CEP85: variants seen among roughly 807,000 people sequenced by gnomAD.
CEP85 encodes centrosomal protein of 85 kDa.
CEP85 carries 58 observed loss-of-function variants against 93.7 expected under a neutral mutation model. The ratio of observed to expected loss-of-function variants is 0.62; its 90% confidence interval spans 0.50 to 0.77. The LOEUF is 0.77. CEP85 is among the 30% of genes least tolerant of loss of function. The pLI is 0.00. For synonymous variants in CEP85, 314 were observed against 338.6 expected (o/e 0.93, Z 0.80); for missense variants, 868 against 922.0 (o/e 0.94, Z 0.76).
intron 3 of CEP85, among the ~76,000 whole-genome samples, chr1:26,251,376 T>C (rs1309244274): frequency 1.3e-5 from 2 of 151,302 alleles, no homozygotes; most frequent in Non-Finnish European, 2.9e-5. Context: ...CTCAGCCTCC[T>C]GAGAAGCTGG....
At chr1:26,242,452 C>G (rs2089442568) in intron 2 of CEP85, among the ~76,000 whole-genome samples, 1 of 152,148 alleles carries the variant, frequency 6.6e-6, no homozygotes, top group African/African-American at 2.4e-5. Context: ...ATAACAATTA[C>G]AGATTACTGA....
intron 7 of CEP85, among the ~76,000 whole-genome samples, chr1:26,262,607 A>G (rs1047085616): frequency 1.3e-5 from 2 of 152,226 alleles, no homozygotes; most frequent in Non-Finnish European, 2.9e-5. Context: ...CACTGGTACC[A>G]CAGATGATAG....
rs58751883 is a variant in CEP85 at position 26,243,991 on chromosome 1, C to CAAAAA, written c.56-153_56-149dup. Among the ~76,000 whole-genome samples the CAAAAA allele has an allele frequency of 5.1e-4, 55 of 108,316 alleles. 4 individuals carry two copies. The highest frequency in any genetic ancestry group is 1.9e-3 in the African/African-American group (47 of 25,102). The allele number at this position is 108,316 out of a possible 152,430, so 71.1% of individuals were successfully genotyped here. A position where few individuals can be genotyped will look rare whatever the true frequency, so the allele number is the denominator to read the frequency against. On this transcript the variant is annotated intron_variant, in intron 2 of 13. Coordinates refer to ENST00000451429, the MANE Select transcript of CEP85 (RefSeq NM_001319944.2). ...CTGGGTGACAGAGCAGACTCCGTCT[C>CAAAAA]AAAAAAAAAAAAAAAAAAAAAAAAA... is the stretch of plus-strand genomic sequence containing the variant.
At chr1:26,250,181 C>T (rs2089583669) in intron 3 of CEP85, among the ~76,000 whole-genome samples, 1 of 152,220 alleles carries the variant, frequency 6.6e-6, no homozygotes, top group Non-Finnish European at 1.5e-5. Flanking sequence ...TCCCCAACTC[C>T]TGGCCCGTGG....
intron 1 of CEP85, among the ~76,000 whole-genome samples, chr1:26,235,685 G>A (rs1569946161): frequency 6.8e-6 from 1 of 147,926 alleles, no homozygotes; most frequent in Admixed American, 7.1e-5. Context: ...CGATTCTCCT[G>A]CCTCAGCCTC....
intron 10 of CEP85, 148 bp downstream of exon 10, chr1:26,271,255 C>A: frequency 1.8e-6 from 1 of 567,798 alleles, no homozygotes; most frequent in Non-Finnish European, 3.1e-6. Context: ...AGTCACCCTG[C>A]ATAGTAATTT....
At chr1:26,241,318 C>T (rs537276541) in intron 2 of CEP85, among the ~76,000 whole-genome samples, 2 of 135,618 alleles carry the variant, frequency 1.5e-5, no homozygotes, top group East Asian at 4.3e-4. Context: ...TCTCGGCTCA[C>T]TACAAGCTCC....
intron 7 of CEP85, among the ~76,000 whole-genome samples, chr1:26,266,587 T>G (rs17163779): frequency 0.012 from 1,826 of 152,358 alleles, 35 homozygotes; most frequent in African/African-American, 0.041. Context: ...TTCAGAAATT[T>G]AAGAGTACAG....
At chr1:26,244,744 ACTC>A (rs1462276737) in intron 3 of CEP85, among the ~76,000 whole-genome samples, 1 of 151,876 alleles carries the variant, frequency 6.6e-6, no homozygotes, top group African/African-American at 2.4e-5. Context: ...GCTGGTCTGG[ACTC>A]CCAGACTCAA....
In CEP85 at chr1:26,255,637, C is replaced by T. The variant is rs1557657160; in HGVS notation, c.675C>T (p.Ala225=). The part of the protein sequence containing the change: ...SKELYRVLPE[A]KKAPGSGAVF... ...AGTTGTACAGAGTGTTGCCTGAGGCCAAGAAGGCACCGGGCAGCGGGGCAG... is the reference window on the plus strand; with the variant it reads ...AGTTGTACAGAGTGTTGCCTGAGGCTAAGAAGGCACCGGGCAGCGGGGCAG... Residue 225 remains alanine (A), a synonymous_variant, in exon 4 of 14, where the codon GCC becomes GCT. Transcript: ENST00000451429. The T allele has an allele frequency of 6.2e-7, 1 of 1,614,016 alleles. No homozygotes were observed. Among genetic ancestry groups the T allele is most frequent in the Admixed American group, 1.7e-5 (1 of 59,992 alleles).
At chr1:26,251,441 G>C (rs763881866) in intron 3 of CEP85, among the ~76,000 whole-genome samples, 1 of 151,914 alleles carries the variant, frequency 6.6e-6, no homozygotes, top group Admixed American at 6.6e-5. Flanking sequence ...AGTGGAGACA[G>C]GGTTTCTCCA....
chr1:26,276,740 C>T lies in CEP85; in HGVS notation c.2108C>T (p.Ser703Phe). The change falls in exon 13 of 14, where the codon TCC becomes TTC. Residue 703 changes from serine to phenylalanine, a missense_variant. Ser to Phe is a radical substitution (Grantham distance 155). Coordinates refer to ENST00000451429, the MANE Select transcript of CEP85 (RefSeq NM_001319944.2). ...QRAQGHDPNL[S>F]LLLGIHSQHP... ...GCCCAGGGCCATGACCCCAATCTCT[C>T]CCTGCTCCTGGGCATTCACTGTGAG... The T allele has an allele frequency of 1.9e-6, 3 of 1,613,896 alleles. No individual in the cohort carries two copies. Among genetic ancestry groups the T allele is most frequent in the Non-Finnish European group, 2.5e-6 (3 of 1,179,876 alleles).
At chr1:26,266,679 G>A (rs1384292791) in intron 7 of CEP85, among the ~76,000 whole-genome samples, 2 of 152,216 alleles carry the variant, frequency 1.3e-5, no homozygotes, top group Non-Finnish European at 2.9e-5. Flanking sequence ...TTAGGCCTTT[G>A]CCGCCTCTTT....
At chr1:26,265,173 A>T (rs541817021) in intron 7 of CEP85, among the ~76,000 whole-genome samples, 1 of 151,784 alleles carries the variant, frequency 6.6e-6, no homozygotes, top group Non-Finnish European at 1.5e-5. Context: ...TAGTAGAGAC[A>T]GGATTTTGCC....
At position 26,277,139 on chromosome 1, in the gene CEP85, A is replaced by G. The variant is rs2090065353; in HGVS notation, c.2132A>G (p.Gln711Arg). ...GAAATGCTCTTCTCCCCAGCAGCAC[A>G]GCACCCAGAGACTCAGCTAGATTTG... is the stretch of plus-strand genomic sequence containing the variant. ...NLSLLLGIHS[Q>R]HPETQLDLQK... Residue 711 changes from glutamine (Q) to arginine (R), a missense_variant, in exon 14 of 14, where the codon CAG becomes CGG. Gln to Arg is a conservative substitution (Grantham distance 43). Transcript: ENST00000451429. 2 of 1,613,156 alleles carry G rather than the reference A, an allele frequency of 1.2e-6. No homozygotes were observed.
At chr1:26,258,004 A>G in intron 5 of CEP85, 139 bp from the exon 6 acceptor site, 1 of 740,230 alleles carries the variant, frequency 1.4e-6, no homozygotes, top group South Asian at 1.7e-5. Context: ...TATCTTTCTC[A>G]TTTGTTCTTC....
intron 3 of CEP85, among the ~76,000 whole-genome samples, chr1:26,252,897 G>T (rs966633606): frequency 6.6e-6 from 1 of 152,006 alleles, no homozygotes; most frequent in Non-Finnish European, 1.5e-5. Flanking sequence ...AGCATCTCTC[G>T]ATTCCCCCTG....
rs1269436970 is a variant in CEP85 at position 26,272,087 on chromosome 1, T to C, written c.1794+16T>C. 6.2e-7 allele frequency: 1 copy of C among 1,610,886 alleles called. No individual in the cohort carries two copies. The highest frequency in any genetic ancestry group is 1.1e-5 in the South Asian group (1 of 90,900). On this transcript the variant is annotated intron_variant, in intron 11 of 13. Coordinates refer to ENST00000451429, the MANE Select transcript of CEP85 (RefSeq NM_001319944.2). ...ACAAGTACAGGTGAGCAGGAATCCT[T>C]GGGACATGGTGGGCAGAACTTAATG...
Position 26,268,501 on chromosome 1 carries a change from C to T in CEP85, c.1360C>T (p.His454Tyr). The change falls in exon 8 of 14, where the codon CAT (histidine) becomes TAT (tyrosine). Residue 454 changes from histidine (H) to tyrosine (Y), a missense_variant. Transcript: ENST00000451429. ...QEERVKGRDK[H>Y]INNLKKKCQK... Reference sequence around the variant, plus strand: ...TTCCTAGGTCAAAGGTCGTGATAAACATATCAATAATTTGAAAAAGAAATG... The same window carrying T: ...TTCCTAGGTCAAAGGTCGTGATAAATATATCAATAATTTGAAAAAGAAATG... 1 of 1,614,034 alleles carries T rather than the reference C, an allele frequency of 6.2e-7. No homozygotes were observed. The highest frequency in any genetic ancestry group is 1.3e-5 in the African/African-American group (1 of 75,036).
Sources: gnomAD v4.1 joint callset for allele counts (sites outside exome capture counted in the v4.1 genomes callset) on GRCh38, gnomAD v4.1.1 for gene constraint, MANE v1.5 for transcripts, NCBI Gene and HGNC (gene_info 2026-07-23, HGNC 2026-07-21) for gene names.